The following LSM10 variants were observed in gnomAD, a reference collection of about 807,000 sequenced individuals.
LSM10 encodes LSM10, U7 small nuclear RNA associated.
Under a neutral mutation model 5.2 loss-of-function variants are expected in LSM10, and 4 were observed. That is an observed-to-expected ratio of 0.77 (90% CI 0.38 to 1.77). The LOEUF is 1.77. LSM10 is among the 40% of genes most tolerant of loss of function. The probability of loss-of-function intolerance (pLI) is 0.04; values close to 1 mark genes in which losing one functional copy is unlikely to be tolerated. For missense variants in LSM10, 150 were observed against 171.6 expected (o/e 0.87, Z 0.70); for synonymous variants, 63 against 67.4 (o/e 0.94, Z 0.32).
chr1:36,395,736 C>G (rs946885944), intron 1 of LSM10, among the ~76,000 whole-genome samples: 4 of 151,272 alleles, frequency 2.6e-5, no homozygotes, highest in African/African-American at 4.9e-5. Context: ...CAAGATCACG[C>G]CACTGCACTC....
In LSM10 at chr1:36,394,822, T is replaced by C. The variant is rs72663474; in HGVS notation, c.-24-669A>G. 6.1e-3 allele frequency among the ~76,000 whole-genome samples: 879 copies of C among 143,840 alleles called. 2 individuals carry two copies. The highest frequency in any genetic ancestry group is 9.0e-3 in the Non-Finnish European group (594 of 66,052). The allele number at this position is 143,840 out of a possible 152,430, so 94.4% of individuals were successfully genotyped here. A position where few individuals can be genotyped will look rare whatever the true frequency, so the allele number is the denominator to read the frequency against. Reference sequence around the variant, plus strand: ...AAAACCTATAAGAAAACGGTGAGCATTGGCCGGGCGCGGTGGCTCACGACT... The same window carrying C: ...AAAACCTATAAGAAAACGGTGAGCACTGGCCGGGCGCGGTGGCTCACGACT... On this transcript the variant is annotated intron_variant, in intron 1 of 1. Transcript: ENST00000315732.
chr1:36,394,032 A>G lies in LSM10; in HGVS notation c.98T>C (p.Leu33Pro). 1 of 1,614,236 alleles carries G rather than the reference A, an allele frequency of 6.2e-7. No individual in the cohort carries two copies. Among genetic ancestry groups the G allele is most frequent in the Non-Finnish European group, 8.5e-7 (1 of 1,180,044 alleles). The change falls in exon 2 of 2, where the codon CTG becomes CCG. Residue 33 changes from leucine (L) to proline (P), a missense_variant. Transcript: ENST00000315732. Reference protein sequence around the residue: ...GLQGRVTTVDLRDESVAHGRI... With the variant: ...GLQGRVTTVDPRDESVAHGRI... Reference sequence around the variant, plus strand: ...TCCGTGGGCCACGCTCTCATCCCGCAGGTCCACAGTGGTTACCCGGCCCTG... The same window carrying G: ...TCCGTGGGCCACGCTCTCATCCCGCGGGTCCACAGTGGTTACCCGGCCCTG...
At position 36,393,879 on chromosome 1, in the gene LSM10, A is replaced by T. The variant is rs1218753208; in HGVS notation, c.251T>A (p.Ile84Asn). 6.2e-7 allele frequency: 1 copy of T among 1,614,124 alleles called. No homozygotes were observed. The highest frequency in any genetic ancestry group is 1.3e-5 in the African/African-American group (1 of 74,936). The change falls in exon 2 of 2, where the codon ATC becomes AAC. Residue 84 changes from isoleucine to asparagine, a missense_variant. Transcript: ENST00000315732. ...CGAGGTGATGTTCACGTCATCTGGG[A>T]TGTGGACGTAGCGGACATTGCGGCC... Reference protein sequence around the residue: ...VTGRNVRYVHIPDDVNITSTI... With the variant: ...VTGRNVRYVHNPDDVNITSTI...
At chr1:36,394,416 T>C (rs1202372960) in intron 1 of LSM10, among the ~76,000 whole-genome samples, 1 of 151,700 alleles carries the variant, frequency 6.6e-6, no homozygotes, top group African/African-American at 2.4e-5. Context: ...TGGTACTAGC[T>C]ACTCAGGAGA....
chr1:36,397,061 C>T (rs1002101570), intron 1 of LSM10, among the ~76,000 whole-genome samples: 9 of 152,100 alleles, frequency 5.9e-5, no homozygotes, highest in African/African-American at 1.9e-4. Flanking sequence ...GTAGAGAAAC[C>T]TAGGTTGGAA....
In LSM10 at chr1:36,393,718, C is replaced by A; in HGVS notation, c.*40G>T. On this transcript the variant is annotated 3_prime_UTR_variant, in exon 2 of 2. Transcript: ENST00000315732. ...GGCAGGGAACTAGCTCCGGAGATCA[C>A]TGGAGGACTCCGAGTTGGGGCCAGG... 6.2e-7 allele frequency: 1 copy of A among 1,605,266 alleles called. No homozygotes were observed. Among genetic ancestry groups the A allele is most frequent in the Non-Finnish European group, 8.5e-7 (1 of 1,175,330 alleles).
intron 1 of LSM10, among the ~76,000 whole-genome samples, chr1:36,396,982 T>G (rs765156514): frequency 8.1e-5 from 12 of 148,120 alleles, no homozygotes; most frequent in Non-Finnish European, 1.0e-4. Context: ...AAAAAGAAAA[T>G]AAATCTGGAT....
In LSM10 at chr1:36,393,797, GC is replaced by G; in HGVS notation, c.332del (p.Gly111AlafsTer28). 6.2e-7 allele frequency: 1 copy of G among 1,614,226 alleles called. No homozygotes were observed. The highest frequency in any genetic ancestry group is 8.5e-7 in the Non-Finnish European group (1 of 1,180,036). ...TTGGGGGAAATTCCCACCGGCCTTG[GC>G]CCTTGCCACCAAAGTTTCGCACCCG... ...IHRVRNFGGKGQGRWEFPPKN... is the reference protein window; with the variant it reads ...IHRVRNFGGKXQGRWEFPPKN... On this transcript the variant is annotated frameshift_variant, in exon 2 of 2. Transcript: ENST00000315732. LOFTEE classifies it high-confidence loss of function.
At position 36,394,071 on chromosome 1, in the gene LSM10, A is replaced by C; in HGVS notation, c.59T>G (p.Leu20Arg). ...RTISENSLII[L>R]LQGLQGRVTT... is the part of the protein sequence containing the mutation. Reference sequence around the variant, plus strand: ...TACCCGGCCCTGGAGGCCCTGCAGTAGGATGATCAGGCTGTTCTCAGAGAT... The same window carrying C: ...TACCCGGCCCTGGAGGCCCTGCAGTCGGATGATCAGGCTGTTCTCAGAGAT... The change falls in exon 2 of 2, where the codon CTA (leucine) becomes CGA (arginine). Residue 20 changes from leucine to arginine, a missense_variant. By Grantham distance (102) the Leu-to-Arg change is moderately radical. Transcript: ENST00000315732. 6.2e-7 allele frequency: 1 copy of C among 1,614,168 alleles called. No homozygotes were observed. Among genetic ancestry groups the C allele is most frequent in the South Asian group, 1.1e-5 (1 of 91,088 alleles).
Position 36,394,090 on chromosome 1 carries a change from C to T in LSM10, c.40G>A (p.Glu14Lys). The change falls in exon 2 of 2, where the codon GAG becomes AAG. Residue 14 changes from glutamate (E) to lysine (K), a missense_variant. Physicochemically the swap from Glu to Lys is moderately conservative, Grantham distance 56. Transcript: ENST00000315732. ...SHSVKERTIS[E>K]NSLIILLQGL... ...TGCAGTAGGATGATCAGGCTGTTCTCAGAGATGGTCCGCTCCTTCACTGAA... is the reference window on the plus strand; with the variant it reads ...TGCAGTAGGATGATCAGGCTGTTCTTAGAGATGGTCCGCTCCTTCACTGAA... 6.2e-7 allele frequency: 1 copy of T among 1,613,906 alleles called. No individual in the cohort carries two copies. Among genetic ancestry groups the T allele is most frequent in the Non-Finnish European group, 8.5e-7 (1 of 1,180,020 alleles).
chr1:36,397,895 C>G lies in LSM10; in HGVS notation c.-153G>C, dbSNP rs965472942. The stretch of plus-strand genomic sequence containing the variant: ...CCGGCGACCGGGCCGCTCTGTCCTC[C>G]GGGCGCAGAGTGCGTCAGTGCTCTG... On this transcript the variant is annotated 5_prime_UTR_variant, in exon 1 of 2. Transcript: ENST00000315732. 1 of 152,268 alleles carries G rather than the reference C, an allele frequency of 6.6e-6. No homozygotes were observed. The highest frequency in any genetic ancestry group is 2.4e-5 in the African/African-American group (1 of 41,476). 9.4% of individuals were successfully genotyped at this position (152,268 alleles called of 1,614,324 possible).
chr1:36,393,795 T>G lies in LSM10; in HGVS notation c.335A>C (p.Gln112Pro). ...HRVRNFGGKG[Q>P]GRWEFPPKNC... is the part of the protein sequence containing the mutation. The stretch of plus-strand genomic sequence containing the variant: ...TTTTGGGGGAAATTCCCACCGGCCT[T>G]GGCCCTTGCCACCAAAGTTTCGCAC... The change falls in exon 2 of 2, where the codon CAA becomes CCA. Residue 112 changes from glutamine (Q) to proline (P), a missense_variant. Physicochemically the swap from Gln to Pro is moderately conservative, Grantham distance 76. Transcript: ENST00000315732. 6.2e-7 allele frequency: 1 copy of G among 1,614,252 alleles called. No homozygotes were observed. Among genetic ancestry groups the G allele is most frequent in the Middle Eastern group, 1.7e-4 (1 of 6,058 alleles).
At position 36,393,757 on chromosome 1, in the gene LSM10, C is replaced by T. The variant is rs772955051; in HGVS notation, c.*1G>A. The T allele has an allele frequency of 2.5e-6, 4 of 1,613,468 alleles. No homozygotes were observed. In the Admixed American group the frequency reaches 6.7e-5, roughly 27 times the overall value. On this transcript the variant is annotated 3_prime_UTR_variant, in exon 2 of 2. Transcript: ENST00000315732. ...GTTGGGGCCAGGGCTTGCTGAGGGC[C>T]TCACTTACAGTTTTTTGGGGGAAAT...
chr1:36,395,849 G>A (rs1178000082), intron 1 of LSM10, among the ~76,000 whole-genome samples: 2 of 151,924 alleles, frequency 1.3e-5, no homozygotes, highest in African/African-American at 2.4e-5. Context: ...GAATCATCTG[G>A]TGAGTTTTTA....
At chr1:36,394,851 A>G (rs564304918) in intron 1 of LSM10, among the ~76,000 whole-genome samples, 20 of 151,848 alleles carry the variant, frequency 1.3e-4, no homozygotes, top group Non-Finnish European at 2.6e-4. Context: ...CACGACTACA[A>G]TCCCAGCACT....
At chr1:36,397,342 G>A (rs1647163694) in intron 1 of LSM10, among the ~76,000 whole-genome samples, 1 of 152,190 alleles carries the variant, frequency 6.6e-6, no homozygotes, top group Non-Finnish European at 1.5e-5. Context: ...GGCACTGAGC[G>A]TGGCAAGCCA....
chr1:36,393,610 G>T lies in LSM10; in HGVS notation c.*148C>A, dbSNP rs1289640074. 9.0e-7 allele frequency: 1 copy of T among 1,114,042 alleles called. No homozygotes were observed. Among genetic ancestry groups the T allele is most frequent in the East Asian group, 2.4e-5 (1 of 42,198 alleles). The allele number at this position is 1,114,042 out of a possible 1,614,324, so 69.0% of individuals were successfully genotyped here. A position where few individuals can be genotyped will look rare whatever the true frequency, so the allele number is the denominator to read the frequency against. On this transcript the variant is annotated 3_prime_UTR_variant, in exon 2 of 2. Coordinates refer to ENST00000315732, the MANE Select transcript of LSM10 (RefSeq NM_032881.3). Reference sequence around the variant, plus strand: ...GTCTGGGAGGTGGAACCCTGTGAAAGGCAGCTTTGACAGGTGGTGTCTGTT... The same window carrying T: ...GTCTGGGAGGTGGAACCCTGTGAAATGCAGCTTTGACAGGTGGTGTCTGTT...
Position 36,393,774 on chromosome 1 carries a change from G to T in LSM10, c.356C>A (p.Pro119Gln), listed in dbSNP as rs1341737923. Residue 119 changes from proline (P) to glutamine (Q), a missense_variant, in exon 2 of 2, where the codon CCA (proline) becomes CAA (glutamine). Physicochemically the swap from Pro to Gln is moderately conservative, Grantham distance 76. Coordinates refer to ENST00000315732, the MANE Select transcript of LSM10 (RefSeq NM_032881.3). ...GKGQGRWEFP[P>Q]KNCK ...CTGAGGGCCTCACTTACAGTTTTTT[G>T]GGGGAAATTCCCACCGGCCTTGGCC... The T allele has an allele frequency of 4.3e-6, 7 of 1,613,940 alleles. No individual in the cohort carries two copies. The highest frequency in any genetic ancestry group is 5.9e-6 in the Non-Finnish European group (7 of 1,179,940).
At chr1:36,396,120 G>A (rs1647156691) in intron 1 of LSM10, among the ~76,000 whole-genome samples, 1 of 133,038 alleles carries the variant, frequency 7.5e-6, no homozygotes, top group South Asian at 2.4e-4. Flanking sequence ...CTACTCGGGG[G>A]GCTGAGGCAG....
Sources: allele counts gnomAD v4.1 joint callset (sites outside exome capture counted in the v4.1 genomes callset), GRCh38; gene constraint gnomAD v4.1.1; transcripts MANE v1.5; gene names NCBI Gene and HGNC (gene_info 2026-07-23, HGNC 2026-07-21).